Variants in UGT2B17 observed in about 807,000 individuals in gnomAD.
UGT2B17 encodes the protein UDP-glucuronosyltransferase 2B17.
A neutral mutation model predicts 48.2 loss-of-function variants in UGT2B17; 21 were observed. The ratio of observed to expected loss-of-function variants is 0.44; its 90% confidence interval spans 0.31 to 0.63. UGT2B17 has a LOEUF of 0.63. UGT2B17 is among the 20% of genes least tolerant of loss of function. UGT2B17 has a pLI of 0.08. For missense variants in UGT2B17, 402 were observed against 696.1 expected (o/e 0.58, Z 4.75); for synonymous variants, 146 against 238.4 (o/e 0.61, Z 3.57).
At position 68,539,132 on chromosome 4, in the gene UGT2B17, C is replaced by T. The variant is rs557180537; in HGVS notation, c.1314-1228G>A. Among the ~76,000 whole-genome samples, 17 of 125,770 alleles carry T rather than the reference C, an allele frequency of 1.4e-4. 4 individuals carry two copies. The highest frequency in any genetic ancestry group is 1.7e-4 in the Non-Finnish European group (10 of 59,512). The allele number at this position is 125,770 out of a possible 152,430, so 82.5% of individuals were successfully genotyped here. A position where few individuals can be genotyped will look rare whatever the true frequency, so the allele number is the denominator to read the frequency against. On this transcript the variant is annotated intron_variant, in intron 6 of 6. Transcript: ENST00000317746. ...GAAATACATAGGATAAATGTATATA[C>T]GCTATGTGACTATCTCAAAATTTTA... is the stretch of plus-strand genomic sequence containing the variant.
intron 6 of UGT2B17, among the ~76,000 whole-genome samples, chr4:68,545,054 C>T (rs1730769342): frequency 8.0e-6 from 1 of 125,646 alleles, no homozygotes; most frequent in Non-Finnish European, 1.7e-5. Context: ...GAATTGAACT[C>T]AGCTCTGCAC....
rs568259719 is a variant in UGT2B17 at position 68,551,127 on chromosome 4, CAT to C, written c.1094-233_1094-232del. Among the ~76,000 whole-genome samples the C allele has an allele frequency of 5.1e-3, 631 of 124,348 alleles. 141 individuals are homozygous for C. The highest frequency in any genetic ancestry group is 0.016 in the Middle Eastern group (4 of 246). 81.6% of individuals were successfully genotyped at this position (124,348 alleles called of 152,430 possible). Reference sequence around the variant, plus strand: ...GGTCTGTGTGTCTTCACAGTGGAAACATAAATTTAAAAGTTTGCCAGGTGAAC... The same window carrying C: ...GGTCTGTGTGTCTTCACAGTGGAAACAAATTTAAAAGTTTGCCAGGTGAAC... On this transcript the variant is annotated intron_variant, in intron 5 of 6. Coordinates refer to ENST00000317746, the MANE Select transcript of UGT2B17 (RefSeq NM_001077.4).
chr4:68,540,338 T>A (rs1330351568), intron 6 of UGT2B17, among the ~76,000 whole-genome samples: 2 of 127,042 alleles, frequency 1.6e-5, no homozygotes, highest in African/African-American at 5.4e-5. Flanking sequence ...TTTGTTGTGA[T>A]CTTTGAGATG....
rs1455184899 is a variant in UGT2B17, at chr4:68,555,620, C to G, written c.1006-3709G>C. Among the ~76,000 whole-genome samples, 7 of 125,744 alleles carry G rather than the reference C, an allele frequency of 5.6e-5. 2 individuals are homozygous for G. Among genetic ancestry groups the G allele is most frequent in the East Asian group, 1.5e-3 (2 of 1,334 alleles). 82.5% of individuals were successfully genotyped at this position (125,744 alleles called of 152,430 possible). A position where few individuals can be genotyped will look rare whatever the true frequency, so the allele number is the denominator to read the frequency against. Reference sequence around the variant, plus strand: ...ATAACTTTAAATGATGACTACCACACTTTTCACAAATATTCTAGGTAAATG... The same window carrying G: ...ATAACTTTAAATGATGACTACCACAGTTTTCACAAATATTCTAGGTAAATG... On this transcript the variant is annotated intron_variant, in intron 4 of 6. Transcript: ENST00000317746.
chr4:68,541,995 T>C lies in UGT2B17; in HGVS notation c.1314-4091A>G, dbSNP rs181118145. On this transcript the variant is annotated intron_variant, in intron 6 of 6. Coordinates refer to ENST00000317746, the MANE Select transcript of UGT2B17 (RefSeq NM_001077.4). The stretch of plus-strand genomic sequence containing the variant: ...TTCTGAGGCCTCTGTTCTGTTCCAT[T>C]GGTCTATATGTCTGCTTTTGTTCCA... Among the ~76,000 whole-genome samples, 8 of 126,174 alleles carry C rather than the reference T, an allele frequency of 6.3e-5. 1 individual carries two copies. The highest frequency in any genetic ancestry group is 2.2e-4 in the African/African-American group (8 of 36,894). 82.8% of individuals were successfully genotyped at this position (126,174 alleles called of 152,430 possible). A position where few individuals can be genotyped will look rare whatever the true frequency, so the allele number is the denominator to read the frequency against.
Position 68,574,951 on chromosome 4 carries a change from C to CT in UGT2B17, c.-65+999_-65+1000insA, listed in dbSNP as rs1483365045. On this transcript the variant is annotated intron_variant, in intron 1 of 6. Transcript: ENST00000317746. ...TTTACATAAATTTTACCTCCTCCCC[C>CT]CCCTTTTTTTTTTGAAGATAACCAT... Among the ~76,000 whole-genome samples, 21 of 69,462 alleles carry CT rather than the reference C, an allele frequency of 3.0e-4. 5 individuals carry two copies. The highest frequency in any genetic ancestry group is 6.0e-5 in the Non-Finnish European group (2 of 33,174). The allele number at this position is 69,462 out of a possible 152,430, so 45.6% of individuals were successfully genotyped here.
Position 68,537,907 on chromosome 4 carries a change from G to A in UGT2B17, c.1314-3C>T, listed in dbSNP as rs756597850. 1 of 1,338,066 alleles carries A rather than the reference G, an allele frequency of 7.5e-7. No individual in the cohort carries two copies. 82.9% of individuals were successfully genotyped at this position (1,338,066 alleles called of 1,614,324 possible). The stretch of plus-strand genomic sequence containing the variant: ...ATTTCATGATATTCTCTTTATAGCT[G>A]AAGGATAAATATAAAGATATCAACA... On this transcript the variant is annotated splice_polypyrimidine_tract_variant and splice_region_variant and intron_variant, in intron 6 of 6. Coordinates refer to ENST00000317746, the MANE Select transcript of UGT2B17 (RefSeq NM_001077.4).
At chr4:68,555,923 GTT>G (rs34104261) in intron 4 of UGT2B17, among the ~76,000 whole-genome samples, 29,216 of 82,840 alleles carry the variant, frequency 0.35, 7,530 homozygotes, top group Admixed American at 0.44. Flanking sequence ...AAAATAAAAA[GTT>G]TTTTTTTTTT....
chr4:68,572,385 C>A (rs115495876), intron 1 of UGT2B17, among the ~76,000 whole-genome samples: 1,506 of 126,418 alleles, frequency 0.012, 300 homozygotes, highest in African/African-American at 0.039. Flanking sequence ...GTTCATAACA[C>A]ACATCAGGTT....
rs776987292 is a variant in UGT2B17, at chr4:68,550,870, T to C, written c.1120A>G (p.Thr374Ala). The C allele has an allele frequency of 1.4e-5, 19 of 1,374,116 alleles. 4 individuals are homozygous for C. The highest frequency in any genetic ancestry group is 4.2e-5 in the Admixed American group (2 of 47,606). 85.1% of individuals were successfully genotyped at this position (1,374,116 alleles called of 1,614,324 possible). A position where few individuals can be genotyped will look rare whatever the true frequency, so the allele number is the denominator to read the frequency against. The change falls in exon 6 of 7, where the codon ACT (threonine) becomes GCT (alanine). Residue 374 changes from threonine to alanine, a missense_variant. Thr to Ala is a moderately conservative substitution (Grantham distance 58). Around this residue, in one of 5 missense-constraint regions of UGT2B17, gnomAD observed 156 missense variants for 258.6 expected, o/e 0.60. Transcript: ENST00000317746. ...LGHPKTKAFITHGGTNGIYEA... is the reference protein window; with the variant it reads ...LGHPKTKAFIAHGGTNGIYEA... Reference sequence around the variant, plus strand: ...TAGATGCCATTGGTTCCACCATGAGTTATAAAAGCTTTGGTTTTGGGATGA... The same window carrying C: ...TAGATGCCATTGGTTCCACCATGAGCTATAAAAGCTTTGGTTTTGGGATGA...
Position 68,537,850 on chromosome 4 carries a change from C to A in UGT2B17, c.1368G>T (p.Lys456Asn), listed in dbSNP as rs771564302. The stretch of plus-strand genomic sequence containing the variant: ...TCCAGAAGACTGCTCGATCCAGGGG[C>A]TTCACCGGTTGATCATGATGAATTC... ...LSRIHHDQPV[K>N]PLDRAVFWIE... The change falls in exon 7 of 7, where the codon AAG (lysine) becomes AAT (asparagine). Residue 456 changes from lysine (K) to asparagine (N), a missense_variant. Physicochemically the swap from Lys to Asn is moderately conservative, Grantham distance 94 (BLOSUM62 0). This residue lies in a region of UGT2B17 where 156 missense variants were observed against 258.6 expected (regional missense o/e 0.60). Transcript: ENST00000317746. The A allele has an allele frequency of 5.1e-6, 7 of 1,377,098 alleles. 1 individual carries two copies. The Admixed American group carries it at 9.9e-5, about 20-fold the overall frequency. 85.3% of individuals were successfully genotyped at this position (1,377,098 alleles called of 1,614,324 possible). A position where few individuals can be genotyped will look rare whatever the true frequency, so the allele number is the denominator to read the frequency against.
intron 1 of UGT2B17, among the ~76,000 whole-genome samples, chr4:68,573,005 TG>T (rs1388535673): frequency 7.8e-6 from 1 of 127,440 alleles, no homozygotes; most frequent in Non-Finnish European, 1.7e-5. Context: ...CAAACTTCAA[TG>T]GTTATGTGGG....
chr4:68,574,124 A>T lies in UGT2B17; in HGVS notation c.-65+1827T>A, dbSNP rs1371336147. On this transcript the variant is annotated intron_variant, in intron 1 of 6. Transcript: ENST00000317746. ...TTGGAATATTTGATCCATTTCAACC[A>T]GGCATTTGTAGCTTGATATACTGTC... Among the ~76,000 whole-genome samples the T allele has an allele frequency of 1.6e-5, 2 of 127,234 alleles. 1 individual carries two copies. Among genetic ancestry groups the T allele is most frequent in the East Asian group, 1.5e-3 (2 of 1,336 alleles). The allele number at this position is 127,234 out of a possible 152,430, so 83.5% of individuals were successfully genotyped here. A position where few individuals can be genotyped will look rare whatever the true frequency, so the allele number is the denominator to read the frequency against.
intron 4 of UGT2B17, among the ~76,000 whole-genome samples, chr4:68,555,094 AATAAG>A (rs1438610104): frequency 7.9e-6 from 1 of 126,482 alleles, no homozygotes; most frequent in Non-Finnish European, 1.7e-5. Flanking sequence ...ATCTTTTATA[AATAAG>A]ATAACAACAA....
intron 5 of UGT2B17, among the ~76,000 whole-genome samples, chr4:68,551,592 T>A (rs1425767040): frequency 7.9e-6 from 1 of 126,054 alleles, no homozygotes; most frequent in Non-Finnish European, 1.7e-5. Context: ...TACACCTGAA[T>A]AAAGAGATTT....
Position 68,571,903 on chromosome 4 carries a change from T to C in UGT2B17, c.-64-3355A>G, listed in dbSNP as rs1363255633. 1.1e-4 allele frequency among the ~76,000 whole-genome samples: 14 copies of C among 125,910 alleles called. 3 individuals are homozygous for C. Among genetic ancestry groups the C allele is most frequent in the African/African-American group, 3.8e-4 (14 of 36,752 alleles). 82.6% of individuals were successfully genotyped at this position (125,910 alleles called of 152,430 possible). ...AGCGTTTTTGAACCTCTCCTTTTAT[T>C]AGGATGCTTACATTAGGATCTAGTC... On this transcript the variant is annotated intron_variant, in intron 1 of 6. Coordinates refer to ENST00000317746, the MANE Select transcript of UGT2B17 (RefSeq NM_001077.4).
chr4:68,542,981 C>A lies in UGT2B17; in HGVS notation c.1314-5077G>T, dbSNP rs368730038. Among the ~76,000 whole-genome samples the A allele has an allele frequency of 1.5e-4, 19 of 126,680 alleles. 5 individuals are homozygous for A. Among genetic ancestry groups the A allele is most frequent in the African/African-American group, 4.0e-4 (15 of 37,112 alleles). 83.1% of individuals were successfully genotyped at this position (126,680 alleles called of 152,430 possible). ...GGTGGAGCCCACCGCAGCTCAAGGA[C>A]GCCTGCCTGCCTCTGTAGATCCACC... On this transcript the variant is annotated intron_variant, in intron 6 of 6. Coordinates refer to ENST00000317746, the MANE Select transcript of UGT2B17 (RefSeq NM_001077.4).
Position 68,553,310 on chromosome 4 carries a change from G to A in UGT2B17, c.1006-1399C>T, listed in dbSNP as rs1400295370. Among the ~76,000 whole-genome samples the A allele has an allele frequency of 5.5e-5, 7 of 126,266 alleles. 3 individuals are homozygous for A. The highest frequency in any genetic ancestry group is 7.9e-3 in the Middle Eastern group (2 of 252). 82.8% of individuals were successfully genotyped at this position (126,266 alleles called of 152,430 possible). A position where few individuals can be genotyped will look rare whatever the true frequency, so the allele number is the denominator to read the frequency against. The stretch of plus-strand genomic sequence containing the variant: ...TAAAAACCATGCTCTTGGTTTCTGT[G>A]TTTGCTTCCTGTCTTTAAAAAAACA... On this transcript the variant is annotated intron_variant, in intron 4 of 6. Transcript: ENST00000317746.
In UGT2B17 at chr4:68,548,326, C is replaced by CA. The variant is rs1409353790; in HGVS notation, c.1313+2350dup. Among the ~76,000 whole-genome samples, 2 of 124,742 alleles carry CA rather than the reference C, an allele frequency of 1.6e-5. 1 individual carries two copies. Among genetic ancestry groups the CA allele is most frequent in the Non-Finnish European group, 3.4e-5 (2 of 59,208 alleles). The allele number at this position is 124,742 out of a possible 152,430, so 81.8% of individuals were successfully genotyped here. A position where few individuals can be genotyped will look rare whatever the true frequency, so the allele number is the denominator to read the frequency against. ...CATTCCCAGCAAACTATCGCAAGGA[C>CA]AAAAAACCAAACACCGCATGTTCTC... On this transcript the variant is annotated intron_variant, in intron 6 of 6. Transcript: ENST00000317746.
Sources: allele counts gnomAD v4.1 joint callset (sites outside exome capture counted in the v4.1 genomes callset), GRCh38; gene constraint gnomAD v4.1.1; regional missense constraint gnomAD v4.1.1; transcripts MANE v1.5; gene names NCBI Gene and HGNC (gene_info 2026-07-23, HGNC 2026-07-21).